The following PHACTR1 variants were observed in gnomAD, a reference collection of about 807,000 sequenced individuals.
The protein encoded by PHACTR1 is RPEL repeat containing 1.
Under a neutral mutation model 69.2 loss-of-function variants are expected in PHACTR1, and 16 were observed. The observed-to-expected ratio is 0.23, with a 90% confidence interval of 0.16 to 0.35. The LOEUF (loss-of-function observed/expected upper bound fraction) is 0.35. Ranked by LOEUF, PHACTR1 falls within the 10% of genes least tolerant of loss-of-function variation. PHACTR1 has a pLI of 1.00. For missense variants in PHACTR1, 510 were observed against 734.7 expected, an observed-to-expected ratio of 0.69 and a Z score of 3.54; for synonymous variants, 312 against 284.5, an observed-to-expected ratio of 1.10 and a Z score of -0.97.
At chr6:13,168,720 G>A (rs927738429) in intron 6 of PHACTR1, among the ~76,000 whole-genome samples, 3 of 152,140 alleles carry the variant, frequency 2.0e-5, no homozygotes, top group African/African-American at 7.2e-5. Flanking sequence ...TAAGAATCAT[G>A]CTAGAGAAGA....
chr6:13,281,453 C>T, intron 12 of PHACTR1: 1 of 315,702 alleles, frequency 3.2e-6, no homozygotes. Flanking sequence ...ACTCGGGAGG[C>T]TGAGGCAGGA....
intron 4 of PHACTR1, among the ~76,000 whole-genome samples, chr6:12,959,530 C>T (rs376796025): frequency 2.0e-5 from 3 of 152,152 alleles, no homozygotes; most frequent in Non-Finnish European, 2.9e-5. Flanking sequence ...TATAAAAGAA[C>T]AGCTCATAGA....
rs573860897 is a variant in PHACTR1, at chr6:12,761,016, G to A, written c.250+11226G>A. 1.2e-4 allele frequency among the ~76,000 whole-genome samples: 19 copies of A among 152,264 alleles called. No homozygotes were observed. In the South Asian group the frequency reaches 2.3e-3, roughly 18 times the overall value. ...TCTTGTCTGAATAATGGACACAAGCGTTCTGTGAATGGATTTGGAGACCTG... is the reference window on the plus strand; with the variant it reads ...TCTTGTCTGAATAATGGACACAAGCATTCTGTGAATGGATTTGGAGACCTG... On this transcript the variant is annotated intron_variant, in intron 4 of 14. Transcript: ENST00000332995.
rs144883562 is a variant in PHACTR1, at chr6:13,183,814, A to G, written c.664+1128A>G. On this transcript the variant is annotated intron_variant, in intron 7 of 14. Coordinates refer to ENST00000332995, the MANE Select transcript of PHACTR1 (RefSeq NM_030948.6). ...CTGAAGTCAGATAGATTTGACTGTT[A>G]TAGTAAAAATCTGTCATTCCAGCAG... Among the ~76,000 whole-genome samples the G allele has an allele frequency of 7.5e-3, 1,139 of 152,276 alleles. 10 individuals are homozygous for G. The highest frequency in any genetic ancestry group is 0.026 in the African/African-American group (1,077 of 41,534).
intron 3 of PHACTR1, among the ~76,000 whole-genome samples, chr6:12,735,163 A>T (rs1764068245): frequency 6.6e-6 from 1 of 152,162 alleles, no homozygotes. Flanking sequence ...CATGCCCATG[A>T]CATCTAGCAG....
chr6:12,718,657 T>A (rs942913727), intron 2 of PHACTR1, 42 bp from the exon 3 acceptor site: 9 of 581,466 alleles, frequency 1.5e-5, no homozygotes, highest in African/African-American at 1.9e-5. Flanking sequence ...CACTTTATAC[T>A]TGACGTCTAA....
chr6:13,055,871 C>G (rs1561761807), intron 5 of PHACTR1, among the ~76,000 whole-genome samples: 1 of 152,240 alleles, frequency 6.6e-6, no homozygotes, highest in Non-Finnish European at 1.5e-5. Context: ...AGAATGGAAA[C>G]ATGTGACAAG....
At chr6:13,198,284 C>T (rs1764708003) in intron 7 of PHACTR1, among the ~76,000 whole-genome samples, 1 of 152,146 alleles carries the variant, frequency 6.6e-6, no homozygotes, top group Non-Finnish European at 1.5e-5. Context: ...TGAATTGACT[C>T]AATAGGCAAT....
At chr6:13,278,206 G>A in intron 11 of PHACTR1, 62 bp from the exon 12 acceptor site, 1 of 1,491,780 alleles carries the variant, frequency 6.7e-7, no homozygotes, top group Non-Finnish European at 9.1e-7. Context: ...AAGGTCCAAA[G>A]GATGCACCTG....
intron 4 of PHACTR1, among the ~76,000 whole-genome samples, chr6:12,886,353 C>T (rs1054975137): frequency 2.0e-5 from 3 of 152,178 alleles, no homozygotes; most frequent in African/African-American, 4.8e-5. Flanking sequence ...TAAAAGGTCA[C>T]TCTCAATGAG....
At chr6:12,895,270 C>T (rs1428026790) in intron 4 of PHACTR1, among the ~76,000 whole-genome samples, 1 of 151,158 alleles carries the variant, frequency 6.6e-6, no homozygotes, top group Non-Finnish European at 1.5e-5. Flanking sequence ...CAGCCTCTGC[C>T]TCCCAGGTTC....
intron 4 of PHACTR1, among the ~76,000 whole-genome samples, chr6:12,929,084 C>T (rs913611487): frequency 6.6e-6 from 1 of 152,184 alleles, no homozygotes; most frequent in African/African-American, 2.4e-5. Context: ...GTTCATGTTC[C>T]ACCCTTTACC....
chr6:13,141,724 C>CTTT (rs577073698), intron 5 of PHACTR1, among the ~76,000 whole-genome samples: 243 of 89,674 alleles, frequency 2.7e-3, no homozygotes, highest in Middle Eastern at 7.5e-3. Context: ...TTTCTTCTTT[C>CTTT]TTTTTTTTTT....
intron 4 of PHACTR1, among the ~76,000 whole-genome samples, chr6:12,796,985 G>C (rs577610072): frequency 5.0e-4 from 75 of 150,614 alleles, no homozygotes; most frequent in African/African-American, 1.7e-3. Context: ...TTAGGCCCAG[G>C]GTGTCCAGCT....
chr6:13,025,701 G>GTC (rs1013982345), intron 4 of PHACTR1, among the ~76,000 whole-genome samples: 6 of 151,874 alleles, frequency 4.0e-5, no homozygotes, highest in Non-Finnish European at 7.4e-5. Context: ...GTGTGTGTGT[G>GTC]TGTGTGTGTC....
intron 4 of PHACTR1, among the ~76,000 whole-genome samples, chr6:12,930,652 T>C (rs1400900406): frequency 6.6e-6 from 1 of 152,078 alleles, no homozygotes; most frequent in Non-Finnish European, 1.5e-5. Context: ...TCAAGGCCAG[T>C]TGGCAAGTAA....
intron 3 of PHACTR1, among the ~76,000 whole-genome samples, chr6:12,722,905 T>G (rs895212770): frequency 1.3e-5 from 2 of 152,136 alleles, no homozygotes; most frequent in African/African-American, 4.8e-5. Flanking sequence ...AAAGGAGAAC[T>G]CCAGAGGTTA....
intron 4 of PHACTR1, among the ~76,000 whole-genome samples, chr6:12,833,515 T>C (rs946878760): frequency 1.3e-5 from 2 of 152,084 alleles, no homozygotes; most frequent in African/African-American, 4.8e-5. Flanking sequence ...CGCCTCAGCC[T>C]CCCAAAGTGC....
chr6:13,202,705 G>C (rs187401255), intron 7 of PHACTR1, among the ~76,000 whole-genome samples: 1 of 152,310 alleles, frequency 6.6e-6, no homozygotes, highest in Admixed American at 6.5e-5. Flanking sequence ...TTGAACTCCT[G>C]ACCTCAAGTA....
Sources: allele counts gnomAD v4.1 joint callset (sites outside exome capture counted in the v4.1 genomes callset), GRCh38; gene constraint gnomAD v4.1.1; transcripts MANE v1.5; gene names NCBI Gene and HGNC (gene_info 2026-07-23, HGNC 2026-07-21).